UBASH3B: variants seen among roughly 807,000 people sequenced by gnomAD.
UBASH3B encodes ubiquitin-associated and SH3 domain-containing protein B.
Under a neutral mutation model 83.4 loss-of-function variants are expected in UBASH3B, and 37 were observed. The ratio of observed to expected loss-of-function variants is 0.44; its 90% CI spans 0.34 to 0.58. UBASH3B has a LOEUF of 0.58. UBASH3B is among the 20% of genes least tolerant of loss of function. The pLI is 0.01. For synonymous variants in UBASH3B, 304 were observed against 318.3 expected, an observed-to-expected ratio of 0.96 and a Z score of 0.48; for missense variants, 657 against 827.2, an observed-to-expected ratio of 0.79 and a Z score of 2.52.
chr11:122,814,438 CAT>C lies in UBASH3B; in HGVS notation c.*4554_*4555del, dbSNP rs1861505738. 1 of 152,548 alleles carries C rather than the reference CAT, an allele frequency of 6.6e-6. No individual in the cohort carries two copies. Among genetic ancestry groups the C allele is most frequent in the Non-Finnish European group, 1.5e-5 (1 of 68,022 alleles). The allele number at this position is 152,548 out of a possible 1,614,324, so 9.4% of individuals were successfully genotyped here. A position where few individuals can be genotyped will look rare whatever the true frequency, so the allele number is the denominator to read the frequency against. ...TCAGGAGCATCTCCATTAAATGGTT[CAT>C]AGATGATTTAATAAAAAGAAACTTC... On this transcript the variant is annotated 3_prime_UTR_variant, in exon 14 of 14. Transcript: ENST00000284273.
At chr11:122,714,951 C>G (rs1014706280) in intron 1 of UBASH3B, among the ~76,000 whole-genome samples, 4 of 152,004 alleles carry the variant, frequency 2.6e-5, no homozygotes, top group African/African-American at 9.7e-5. Context: ...TGTTGTTGTT[C>G]TTGTTGTTTT....
intron 1 of UBASH3B, among the ~76,000 whole-genome samples, chr11:122,679,071 C>T (rs1309443888): frequency 2.6e-5 from 4 of 152,138 alleles, no homozygotes; most frequent in East Asian, 1.9e-4. Context: ...CTAAAAGCCA[C>T]GTAGCCCAGA....
At chr11:122,709,030 T>C (rs760527245) in intron 1 of UBASH3B, among the ~76,000 whole-genome samples, 3 of 152,198 alleles carry the variant, frequency 2.0e-5, no homozygotes, top group Non-Finnish European at 4.4e-5. Context: ...GCAGATGGCT[T>C]GAGCCCAGGA....
intron 1 of UBASH3B, among the ~76,000 whole-genome samples, chr11:122,702,141 G>A (rs765733522): frequency 5.3e-5 from 8 of 152,132 alleles, no homozygotes; most frequent in Non-Finnish European, 7.3e-5. Flanking sequence ...GTAATGCAGC[G>A]TATGCTCAAC....
Position 122,800,374 on chromosome 11 carries a change from C to T in UBASH3B, c.1451-814C>T, listed in dbSNP as rs1052593314. Among the ~76,000 whole-genome samples the T allele has an allele frequency of 3.2e-5, 3 of 93,666 alleles. No homozygotes were observed. The Admixed American group carries it at 3.7e-4, about 11-fold the overall frequency. The allele number at this position is 93,666 out of a possible 152,430, so 61.4% of individuals were successfully genotyped here. On this transcript the variant is annotated intron_variant, in intron 10 of 13. Coordinates refer to ENST00000284273, the MANE Select transcript of UBASH3B (RefSeq NM_032873.5). Reference sequence around the variant, plus strand: ...CTCACACGGTGAAACCCCATCTCTACTAAAAATACAAAAAAAAAAAAAAAA... The same window carrying T: ...CTCACACGGTGAAACCCCATCTCTATTAAAAATACAAAAAAAAAAAAAAAA...
chr11:122,736,546 G>A (rs1860935037), intron 1 of UBASH3B, among the ~76,000 whole-genome samples: 1 of 149,692 alleles, frequency 6.7e-6, no homozygotes, highest in Non-Finnish European at 1.5e-5. Context: ...GAATTCAGGA[G>A]TTTATGTAGA....
intron 1 of UBASH3B, among the ~76,000 whole-genome samples, chr11:122,672,864 G>C (rs1274687836): frequency 6.6e-6 from 1 of 152,100 alleles, no homozygotes; most frequent in Non-Finnish European, 1.5e-5. Flanking sequence ...GGACCAGGCT[G>C]GGCCAGCCTG....
chr11:122,728,955 C>T (rs74599168), intron 1 of UBASH3B, among the ~76,000 whole-genome samples: 7,738 of 152,184 alleles, frequency 0.051, 245 homozygotes, highest in South Asian at 0.076. Context: ...CAAGGCCACC[C>T]GGTCAGACGG....
chr11:122,777,526 C>T (rs1387625427), intron 3 of UBASH3B, among the ~76,000 whole-genome samples: 1 of 152,172 alleles, frequency 6.6e-6, no homozygotes, highest in East Asian at 1.9e-4. Context: ...TTGCTGTCTA[C>T]CCTCTCCACT....
At chr11:122,777,736 T>C (rs1860763757) in intron 3 of UBASH3B, among the ~76,000 whole-genome samples, 1 of 152,136 alleles carries the variant, frequency 6.6e-6, no homozygotes, top group African/African-American at 2.4e-5. Context: ...TTTTTGTTGT[T>C]GTTGTTGTTT....
chr11:122,721,244 C>CAAAAAA (rs34298191), intron 1 of UBASH3B, among the ~76,000 whole-genome samples: 3 of 73,142 alleles, frequency 4.1e-5, no homozygotes, highest in Non-Finnish European at 5.0e-5. Flanking sequence ...GACTGTGTCT[C>CAAAAAA]AAAAAAAAAA....
At chr11:122,733,893 GT>G (rs1240328630) in intron 1 of UBASH3B, among the ~76,000 whole-genome samples, 1 of 151,228 alleles carries the variant, frequency 6.6e-6, no homozygotes, top group Non-Finnish European at 1.5e-5. Flanking sequence ...CTTTTTTTTT[GT>G]TTTGTTTTTG....
At chr11:122,756,888 G>T (rs140799995) in intron 1 of UBASH3B, among the ~76,000 whole-genome samples, 219 of 152,334 alleles carry the variant, frequency 1.4e-3, no homozygotes, top group African/African-American at 5.2e-3. Flanking sequence ...ATGGTAATGT[G>T]CCAAGAGCAC....
At chr11:122,805,612 T>A (rs1461898763) in intron 11 of UBASH3B, among the ~76,000 whole-genome samples, 1 of 151,944 alleles carries the variant, frequency 6.6e-6, no homozygotes, top group East Asian at 1.9e-4. Context: ...AACCATCAGA[T>A]CTTGTGAGAC....
chr11:122,725,342 A>AAAAAAAAAAAAAAAAAAG (rs71281633), intron 1 of UBASH3B, among the ~76,000 whole-genome samples: 7 of 130,816 alleles, frequency 5.4e-5, no homozygotes, highest in East Asian at 2.2e-4. Flanking sequence ...AAAAAAAAAA[A>AAAAAAAAAAAAAAAAAAG]AAGAAAAGAA....
chr11:122,657,040 C>T (rs2135885861), intron 1 of UBASH3B, among the ~76,000 whole-genome samples: 1 of 152,312 alleles, frequency 6.6e-6, no homozygotes, highest in East Asian at 1.9e-4. Flanking sequence ...GCTCAAGTCT[C>T]AGGGGCTGGA....
At chr11:122,735,087 A>G (rs1178488940) in intron 1 of UBASH3B, among the ~76,000 whole-genome samples, 1 of 152,194 alleles carries the variant, frequency 6.6e-6, no homozygotes, top group Non-Finnish European at 1.5e-5. Context: ...GAGTTATTTC[A>G]AATGTTTTGA....
At chr11:122,808,630 G>GA (rs1797545775) in intron 13 of UBASH3B, among the ~76,000 whole-genome samples, 1 of 152,172 alleles carries the variant, frequency 6.6e-6, no homozygotes, top group Non-Finnish European at 1.5e-5. Context: ...CAGCAAGACA[G>GA]AAAACCCATG....
intron 1 of UBASH3B, among the ~76,000 whole-genome samples, chr11:122,698,916 T>A (rs1335283036): frequency 1.3e-5 from 2 of 152,240 alleles, no homozygotes; most frequent in Non-Finnish European, 2.9e-5. Flanking sequence ...AATGTTGCGA[T>A]CTCGGCTCGC....
Sources: allele counts gnomAD v4.1 joint callset (sites outside exome capture counted in the v4.1 genomes callset), GRCh38; gene constraint gnomAD v4.1.1; transcripts MANE v1.5; gene names NCBI Gene and HGNC (gene_info 2026-07-23, HGNC 2026-07-21).